HACD2: variants seen among roughly 807,000 people sequenced by gnomAD.
The protein encoded by HACD2 is very-long-chain (3R)-3-hydroxyacyl-CoA dehydratase 2.
In HACD2, 15 loss-of-function variants were observed where a neutral mutation model predicts 31.0. The observed-to-expected ratio is 0.48, with a 90% CI of 0.32 to 0.75. The LOEUF (loss-of-function observed/expected upper bound fraction) is 0.75, where lower values mean the gene tolerates loss of function less well. HACD2 is among the 30% of genes least tolerant of loss of function. The pLI is 0.03. For missense variants in HACD2, 283 were observed against 313.0 expected (o/e 0.90, Z 0.72); for synonymous variants, 115 against 122.2 (o/e 0.94, Z 0.39).
At chr3:123,574,620 T>C (rs1315232870) in intron 2 of HACD2, among the ~76,000 whole-genome samples, 3 of 152,124 alleles carry the variant, frequency 2.0e-5, no homozygotes, top group Non-Finnish European at 2.9e-5. Flanking sequence ...TAAAATCTTA[T>C]TTTCCTCATT....
At chr3:123,544,479 AAAAT>A (rs2056531670) in intron 3 of HACD2, among the ~76,000 whole-genome samples, 1 of 152,194 alleles carries the variant, frequency 6.6e-6, no homozygotes, top group Admixed American at 6.5e-5. Context: ...GTCATGCCCC[AAAAT>A]AAATAAATGG....
chr3:123,575,775 G>A (rs2056901922), intron 2 of HACD2, among the ~76,000 whole-genome samples: 1 of 152,128 alleles, frequency 6.6e-6, no homozygotes, highest in Non-Finnish European at 1.5e-5. Context: ...AAGGTCCCAA[G>A]TTGTTTTTAA....
In HACD2 at chr3:123,500,645, C is replaced by A; in HGVS notation, c.552G>T (p.Leu184=). Residue 184 remains leucine (L), a synonymous_variant, in exon 6 of 7, where the codon CTG becomes CTT. Transcript: ENST00000383657. The stretch of plus-strand genomic sequence containing the variant: ...AGGGCAGAGCTGCATATATTGTGAG[C>A]AGTTCTCCTGACACTCCCATTGGGT... ...VLYPMGVSGE[L]LTIYAALPFV... is the part of the protein sequence containing the mutation. The A allele has an allele frequency of 6.2e-7, 1 of 1,613,422 alleles. No individual in the cohort carries two copies. The highest frequency in any genetic ancestry group is 8.5e-7 in the Non-Finnish European group (1 of 1,179,618).
intron 4 of HACD2, among the ~76,000 whole-genome samples, chr3:123,504,295 T>C (rs1002860744): frequency 5.9e-5 from 9 of 152,176 alleles, no homozygotes; most frequent in African/African-American, 2.2e-4. Flanking sequence ...CCTAAAGAGC[T>C]CTGGGTTATA....
intron 4 of HACD2, among the ~76,000 whole-genome samples, chr3:123,508,800 C>G (rs1207187654): frequency 6.6e-6 from 1 of 152,146 alleles, no homozygotes. Context: ...GGGGCTTAAA[C>G]AAGAGAAAAG....
intron 2 of HACD2, among the ~76,000 whole-genome samples, chr3:123,575,211 G>A (rs1276914929): frequency 1.3e-5 from 2 of 151,960 alleles, no homozygotes; most frequent in Middle Eastern, 3.4e-3. Context: ...CTGGGCTCAA[G>A]CGATTCTCCT....
In HACD2 at chr3:123,584,999, G is replaced by T; in HGVS notation, c.29C>A (p.Ala10Glu). 1 of 1,513,356 alleles carries T rather than the reference G, an allele frequency of 6.6e-7. No individual in the cohort carries two copies. Among genetic ancestry groups the T allele is most frequent in the South Asian group, 1.2e-5 (1 of 81,104 alleles). 93.7% of individuals were successfully genotyped at this position (1,513,356 alleles called of 1,614,324 possible). MAAVAATAA[A>E]KGNGGGGGRA... ...GCCACCGCCGCCCCCATTCCCCTTC[G>T]CTGCTGCAGTCGCCGCCACTGCCGC... Residue 10 changes from alanine to glutamate, a missense_variant, in exon 1 of 7, where the codon GCG (alanine) becomes GAG (glutamate). Transcript: ENST00000383657.
chr3:123,537,639 T>C (rs1265967459), intron 3 of HACD2, among the ~76,000 whole-genome samples: 3 of 151,800 alleles, frequency 2.0e-5, no homozygotes, highest in Non-Finnish European at 4.4e-5. Flanking sequence ...AATTTTTTTT[T>C]GATGAATAAT....
intron 2 of HACD2, among the ~76,000 whole-genome samples, chr3:123,571,531 G>A (rs1226255210): frequency 1.3e-5 from 2 of 152,190 alleles, no homozygotes; most frequent in African/African-American, 4.8e-5. Flanking sequence ...TGCAAGGCCT[G>A]GAGAGCAGCC....
intron 5 of HACD2, 27 bp from the exon 6 acceptor site, chr3:123,500,720 T>A (rs1327653360): frequency 6.5e-7 from 1 of 1,540,352 alleles, no homozygotes; most frequent in Non-Finnish European, 8.8e-7. Flanking sequence ...TATTCATTAC[T>A]GAGGCTCAAA....
chr3:123,507,294 G>C (rs982818867), intron 4 of HACD2, among the ~76,000 whole-genome samples: 1 of 152,124 alleles, frequency 6.6e-6, no homozygotes, highest in Non-Finnish European at 1.5e-5. Flanking sequence ...TCTGCTCAAA[G>C]ATTTTAATGC....
At chr3:123,502,944 G>T in intron 4 of HACD2, 1 of 372,978 alleles carries the variant, frequency 2.7e-6, no homozygotes, top group Non-Finnish European at 5.0e-6. Flanking sequence ...CACGAGGGGT[G>T]GGGATTTACA....
chr3:123,573,381 C>A (rs565212594), intron 2 of HACD2, among the ~76,000 whole-genome samples: 1 of 152,254 alleles, frequency 6.6e-6, no homozygotes, highest in South Asian at 2.1e-4. Flanking sequence ...GGATTTCCAC[C>A]ACATAGTACT....
At chr3:123,541,701 T>C (rs140799171) in intron 3 of HACD2, among the ~76,000 whole-genome samples, 9 of 152,350 alleles carry the variant, frequency 5.9e-5, no homozygotes, top group African/African-American at 1.9e-4. Flanking sequence ...CAAGCTTACA[T>C]AGATAGTTCA....
At chr3:123,559,688 T>C (rs1361658062) in intron 3 of HACD2, among the ~76,000 whole-genome samples, 2 of 152,162 alleles carry the variant, frequency 1.3e-5, no homozygotes, top group Non-Finnish European at 2.9e-5. Flanking sequence ...TACTATCTCA[T>C]AGAGAAGGCA....
At chr3:123,530,696 T>A (rs13100104) in intron 3 of HACD2, among the ~76,000 whole-genome samples, 34,685 of 150,178 alleles carry the variant, frequency 0.23, 4,187 homozygotes, top group East Asian at 0.37. Context: ...CGTGAGCCAC[T>A]GCGCCCGGCC....
chr3:123,532,613 C>T (rs983630186), intron 3 of HACD2, among the ~76,000 whole-genome samples: 1 of 151,994 alleles, frequency 6.6e-6, no homozygotes, highest in African/African-American at 2.4e-5. Flanking sequence ...GGCAGATCAC[C>T]TGAGGTCCGG....
At chr3:123,576,563 A>G (rs2056909518) in intron 2 of HACD2, among the ~76,000 whole-genome samples, 1 of 152,226 alleles carries the variant, frequency 6.6e-6, no homozygotes. Flanking sequence ...AGCCTCTTTT[A>G]GAGATGTGTT....
intron 3 of HACD2, among the ~76,000 whole-genome samples, chr3:123,541,579 G>A (rs2056491404): frequency 6.6e-6 from 1 of 152,100 alleles, no homozygotes; most frequent in Non-Finnish European, 1.5e-5. Context: ...GGTTAAATAT[G>A]GTGCTTTTTT....
Sources: allele counts gnomAD v4.1 joint callset (sites outside exome capture counted in the v4.1 genomes callset), GRCh38; gene constraint gnomAD v4.1.1; transcripts MANE v1.5; gene names NCBI Gene and HGNC (gene_info 2026-07-23, HGNC 2026-07-21).